PALM2AKAP2: variants seen among roughly 807,000 people sequenced by gnomAD.
PALM2AKAP2 encodes PALM2 and AKAP2 fusion.
PALM2AKAP2 carries 37 observed loss-of-function variants against 71.5 expected under a neutral mutation model. The observed-to-expected ratio is 0.52, with a 90% CI of 0.40 to 0.68. The LOEUF (loss-of-function observed/expected upper bound fraction) is 0.68. Among genes scored for constraint, PALM2AKAP2 ranks in the 30% least tolerant of loss-of-function variants. PALM2AKAP2 has a pLI of 0.00. For synonymous variants in PALM2AKAP2, 468 were observed against 478.8 expected (o/e 0.98, Z 0.29); for missense variants, 1,224 against 1,191.8 (o/e 1.03, Z -0.40).
chr9:109,854,119 A>G (rs1398410142), intron 1 of PALM2AKAP2, among the ~76,000 whole-genome samples: 2 of 152,186 alleles, frequency 1.3e-5, no homozygotes, highest in Non-Finnish European at 2.9e-5. Flanking sequence ...TGCTGTCCTC[A>G]GTGAGAAGCA....
intron 1 of PALM2AKAP2, among the ~76,000 whole-genome samples, chr9:109,823,201 T>G (rs1828057054): frequency 6.6e-6 from 1 of 151,930 alleles, no homozygotes; most frequent in African/African-American, 2.4e-5. Context: ...AGCTATCTAA[T>G]ATGCCCAAGT....
intron 1 of PALM2AKAP2, among the ~76,000 whole-genome samples, chr9:109,696,105 G>A (rs1179643764): frequency 6.6e-6 from 1 of 152,094 alleles, no homozygotes; most frequent in African/African-American, 2.4e-5. Flanking sequence ...TTGCATAAAT[G>A]TATCAAAATA....
intron 7 of PALM2AKAP2, among the ~76,000 whole-genome samples, chr9:110,034,262 A>G (rs1344572491): frequency 6.6e-6 from 1 of 151,994 alleles, no homozygotes; most frequent in East Asian, 1.9e-4. Flanking sequence ...GGCTCAAGCA[A>G]TTCTCCTGCC....
At chr9:109,786,707 C>T (rs1826977932) in intron 1 of PALM2AKAP2, among the ~76,000 whole-genome samples, 1 of 152,102 alleles carries the variant, frequency 6.6e-6, no homozygotes, top group Non-Finnish European at 1.5e-5. Flanking sequence ...CTTATTTGTA[C>T]CTCTGAGTAT....
chr9:110,137,336 C>G lies in PALM2AKAP2; in HGVS notation c.1366C>G (p.Pro456Ala), dbSNP rs761692121. ...TCTGGGGTCAGTCAACTCAGACAAGCCACTGACTAATCCGAGACCACCTTC... is the reference window on the plus strand; with the variant it reads ...TCTGGGGTCAGTCAACTCAGACAAGGCACTGACTAATCCGAGACCACCTTC... Residue 456 changes from proline to alanine, a missense_variant, in exon 2 of 4, where the codon CCA (proline) becomes GCA (alanine). By Grantham distance (27) the Pro-to-Ala change is conservative. Transcript: ENST00000374525. 4.3e-6 allele frequency: 7 copies of G among 1,614,180 alleles called. No homozygotes were observed. In the Admixed American group the frequency reaches 1.2e-4, roughly 27 times the overall value.
At chr9:109,822,037 A>G (rs1351899534) in intron 1 of PALM2AKAP2, among the ~76,000 whole-genome samples, 1 of 152,234 alleles carries the variant, frequency 6.6e-6, no homozygotes, top group Non-Finnish European at 1.5e-5. Context: ...AAATAATACC[A>G]GACTTATCAT....
At chr9:109,817,510 CA>C (rs1314837872) in intron 1 of PALM2AKAP2, among the ~76,000 whole-genome samples, 1 of 152,178 alleles carries the variant, frequency 6.6e-6, no homozygotes, top group African/African-American at 2.4e-5. Flanking sequence ...AAGCAAACAA[CA>C]AACAATTGTG....
intron 5 of PALM2AKAP2, among the ~76,000 whole-genome samples, chr9:109,929,863 CAAAAAAAAAA>C (rs58029417): frequency 1.9e-4 from 13 of 69,426 alleles, no homozygotes; most frequent in East Asian, 1.5e-3. Context: ...GACTCCATTT[CAAAAAAAAAA>C]AAAAAAAAAA....
chr9:109,940,631 A>G (rs1241480288), intron 6 of PALM2AKAP2, among the ~76,000 whole-genome samples: 1 of 152,166 alleles, frequency 6.6e-6, no homozygotes, highest in Non-Finnish European at 1.5e-5. Flanking sequence ...AATGACAAGC[A>G]GATGGGCTAG....
intron 1 of PALM2AKAP2, among the ~76,000 whole-genome samples, chr9:109,772,890 G>A (rs565066712): frequency 1.3e-5 from 2 of 152,186 alleles, no homozygotes; most frequent in Non-Finnish European, 1.5e-5. Context: ...AGGCCGAAGC[G>A]GGCGGATCAC....
At chr9:110,147,182 C>T (rs557694085) in intron 2 of PALM2AKAP2, among the ~76,000 whole-genome samples, 44 of 147,286 alleles carry the variant, frequency 3.0e-4, no homozygotes, top group African/African-American at 1.0e-3. Flanking sequence ...ACCTGGGAGG[C>T]GGAGGTTGTA....
chr9:110,133,361 T>C (rs867261621), intron 1 of PALM2AKAP2, among the ~76,000 whole-genome samples: 1 of 152,202 alleles, frequency 6.6e-6, no homozygotes, highest in East Asian at 1.9e-4. Flanking sequence ...AACTCTAATA[T>C]AGACTTAGGG....
chr9:109,885,155 T>C (rs1316807172), intron 3 of PALM2AKAP2, among the ~76,000 whole-genome samples: 1 of 152,244 alleles, frequency 6.6e-6, no homozygotes, highest in East Asian at 1.9e-4. Context: ...CCAGTAACTG[T>C]ACAAGAAGTT....
At chr9:109,974,888 G>A (rs1358479877) in intron 6 of PALM2AKAP2, among the ~76,000 whole-genome samples, 1 of 152,180 alleles carries the variant, frequency 6.6e-6, no homozygotes, top group Admixed American at 6.5e-5. Flanking sequence ...GATGCAAAAG[G>A]CATCTGAAAG....
chr9:110,095,664 C>T (rs145759363), intron 1 of PALM2AKAP2, among the ~76,000 whole-genome samples: 120 of 152,220 alleles, frequency 7.9e-4, no homozygotes, highest in African/African-American at 2.8e-3. Context: ...GGAAGAAGAC[C>T]GTTCTAAGCA....
At chr9:109,749,257 G>A (rs1393445408) in intron 1 of PALM2AKAP2, among the ~76,000 whole-genome samples, 1 of 152,096 alleles carries the variant, frequency 6.6e-6, no homozygotes, top group African/African-American at 2.4e-5. Context: ...GTCTCTCACA[G>A]TATCTAGCAG....
At chr9:109,669,982 A>G (rs900470715) in intron 1 of PALM2AKAP2, among the ~76,000 whole-genome samples, 1 of 151,924 alleles carries the variant, frequency 6.6e-6, no homozygotes, top group Admixed American at 6.6e-5. Flanking sequence ...TTAAAAACTT[A>G]GGCCATTCAA....
chr9:110,007,583 G>A (rs1832807988), intron 6 of PALM2AKAP2, among the ~76,000 whole-genome samples: 1 of 151,986 alleles, frequency 6.6e-6, no homozygotes, highest in African/African-American at 2.4e-5. Context: ...GTACTTATTG[G>A]GAGATTTAAG....
intron 7 of PALM2AKAP2, among the ~76,000 whole-genome samples, chr9:110,037,045 C>T (rs536928080): frequency 6.6e-6 from 1 of 152,336 alleles, no homozygotes; most frequent in South Asian, 2.1e-4. Context: ...CATGTATCTG[C>T]ATGAGTGAAT....
Sources: gnomAD v4.1 joint callset for allele counts (sites outside exome capture counted in the v4.1 genomes callset) on GRCh38, gnomAD v4.1.1 for gene constraint, MANE v1.5 for transcripts, NCBI Gene and HGNC (gene_info 2026-07-23, HGNC 2026-07-21) for gene names.